ST8SIA4: variants seen among roughly 807,000 people sequenced by gnomAD.
The protein encoded by ST8SIA4 is ST8 alpha-N-acetyl-neuraminide alpha-2,8-sialyltransferase 4.
Under a neutral mutation model 33.9 loss-of-function variants are expected in ST8SIA4, and 15 were observed. The observed-to-expected ratio is 0.44, with a 90% CI of 0.30 to 0.68. The LOEUF (loss-of-function observed/expected upper bound fraction) is 0.68. Ranked by LOEUF, ST8SIA4 falls within the 30% of genes least tolerant of loss-of-function variation. The pLI is 0.10. For missense variants in ST8SIA4, 321 were observed against 428.0 expected, an observed-to-expected ratio of 0.75 and a Z score of 2.21; for synonymous variants, 171 against 151.2, an observed-to-expected ratio of 1.13 and a Z score of -0.96.
intron 3 of ST8SIA4, among the ~76,000 whole-genome samples, chr5:100,878,036 T>C (rs536834134): frequency 6.6e-6 from 1 of 152,186 alleles, no homozygotes; most frequent in Non-Finnish European, 1.5e-5. Context: ...GTTTGGTTCA[T>C]CATTAATATT....
chr5:100,814,981 T>A (rs556199726), intron 4 of ST8SIA4, among the ~76,000 whole-genome samples: 1 of 152,052 alleles, frequency 6.6e-6, no homozygotes, highest in South Asian at 2.1e-4. Context: ...TTGTGTTTCA[T>A]CCTCATTAGG....
chr5:100,872,450 G>T (rs949539762), intron 3 of ST8SIA4, among the ~76,000 whole-genome samples: 4 of 151,938 alleles, frequency 2.6e-5, no homozygotes, highest in Non-Finnish European at 5.9e-5. Context: ...TTGTCTGATA[G>T]GATTTAGCTG....
intron 4 of ST8SIA4, among the ~76,000 whole-genome samples, chr5:100,831,126 T>C (rs1455058435): frequency 1.3e-5 from 2 of 152,240 alleles, no homozygotes; most frequent in African/African-American, 2.4e-5. Context: ...TATATAATTA[T>C]ATTTGTCTAC....
rs189111273 is a variant in ST8SIA4, at chr5:100,864,242, G to A, written c.504-7846C>T. ...TGTAATAAGTAATACGGAGGGTAAA[G>A]CGTTAACTGCTGTTCTTTATCTGGG... On this transcript the variant is annotated intron_variant, in intron 3 of 4. Coordinates refer to ENST00000231461, the MANE Select transcript of ST8SIA4 (RefSeq NM_005668.6). Among the ~76,000 whole-genome samples, 15 of 152,238 alleles carry A rather than the reference G, an allele frequency of 9.9e-5. No homozygotes were observed. In the East Asian group the frequency reaches 2.5e-3, roughly 25 times the overall value.
chr5:100,895,691 C>T lies in ST8SIA4; in HGVS notation c.208G>A (p.Gly70Ser). The change falls in exon 2 of 5, where the codon GGT becomes AGT. Residue 70 changes from glycine to serine, a missense_variant. Coordinates refer to ENST00000231461, the MANE Select transcript of ST8SIA4 (RefSeq NM_005668.6). ...ACCAAAGAGGAATTGATTTTCCAAC[C>T]TTCTACATTGTGCTGGAAGATTGAA... ...GSSIFQHNVE[G>S]WKINSSLVLE... is the part of the protein sequence containing the mutation. 1 of 1,612,070 alleles carries T rather than the reference C, an allele frequency of 6.2e-7. No homozygotes were observed. The highest frequency in any genetic ancestry group is 1.1e-5 in the South Asian group (1 of 90,810).
chr5:100,855,181 T>C (rs530347138), intron 4 of ST8SIA4, among the ~76,000 whole-genome samples: 104 of 152,314 alleles, frequency 6.8e-4, no homozygotes, highest in Admixed American at 1.3e-3. Flanking sequence ...TCCTTCTGTT[T>C]GGTTTTCTTA....
intron 3 of ST8SIA4, chr5:100,885,870 C>A (rs1752525322): frequency 3.4e-6 from 3 of 872,496 alleles, no homozygotes; most frequent in Non-Finnish European, 4.1e-6. Context: ...AAATATGGCT[C>A]AGGATATCAA....
At chr5:100,833,931 T>C (rs1342471583) in intron 4 of ST8SIA4, among the ~76,000 whole-genome samples, 1 of 152,186 alleles carries the variant, frequency 6.6e-6, no homozygotes, top group East Asian at 1.9e-4. Context: ...GTAAGAACTG[T>C]ATCTAATTCA....
At chr5:100,817,994 A>G (rs1043926379) in intron 4 of ST8SIA4, among the ~76,000 whole-genome samples, 7 of 152,206 alleles carry the variant, frequency 4.6e-5, no homozygotes, top group African/African-American at 1.7e-4. Flanking sequence ...AAAGAGCTCT[A>G]TATGTGGTGC....
intron 4 of ST8SIA4, chr5:100,816,401 A>G: frequency 4.2e-6 from 2 of 475,196 alleles, no homozygotes; most frequent in South Asian, 3.2e-5. Context: ...GATACTAAGG[A>G]GAGCTCACAT....
At chr5:100,869,884 C>T (rs1418841015) in intron 3 of ST8SIA4, among the ~76,000 whole-genome samples, 1 of 152,148 alleles carries the variant, frequency 6.6e-6, no homozygotes, top group Non-Finnish European at 1.5e-5. Context: ...TTCTAGGGTA[C>T]ATGTGCACAA....
At chr5:100,812,837 A>T (rs1381199004) in intron 4 of ST8SIA4, among the ~76,000 whole-genome samples, 1 of 152,140 alleles carries the variant, frequency 6.6e-6, no homozygotes, top group African/African-American at 2.4e-5. Context: ...CACTGCTGTC[A>T]AACATTGGTG....
intron 4 of ST8SIA4, chr5:100,816,475 T>C (rs1186481537): frequency 1.9e-6 from 1 of 518,160 alleles, no homozygotes; most frequent in Non-Finnish European, 3.9e-6. Context: ...AGTCTAAAAG[T>C]TTAGAAGTAT....
At position 100,812,223 on chromosome 5, in the gene ST8SIA4, G is replaced by A. The variant is rs750481367; in HGVS notation, c.798-94C>T. The A allele has an allele frequency of 7.4e-6, 7 of 951,506 alleles. No homozygotes were observed. The East Asian group carries it at 1.4e-4, about 19-fold the overall frequency. The allele number at this position is 951,506 out of a possible 1,614,324, so 58.9% of individuals were successfully genotyped here. ...GTATATAATGCAGAAAACTTAAAAG[G>A]TATCTTTATGAATAATATTTTAAAG... is the stretch of plus-strand genomic sequence containing the variant. On this transcript the variant is annotated intron_variant, in intron 4 of 4. Transcript: ENST00000231461.
At chr5:100,829,705 C>T (rs1218078755) in intron 4 of ST8SIA4, among the ~76,000 whole-genome samples, 6 of 152,022 alleles carry the variant, frequency 3.9e-5, no homozygotes, top group Non-Finnish European at 8.8e-5. Context: ...GTCAGGAGAT[C>T]GAGACCATCC....
At chr5:100,838,697 T>C (rs1479853213) in intron 4 of ST8SIA4, among the ~76,000 whole-genome samples, 1 of 151,994 alleles carries the variant, frequency 6.6e-6, no homozygotes, top group African/African-American at 2.4e-5. Context: ...ATTAATTTAA[T>C]CTGAATTTAT....
chr5:100,817,109 ATTTTTTTTTTTTT>A (rs57222657), intron 4 of ST8SIA4, among the ~76,000 whole-genome samples: 29 of 74,364 alleles, frequency 3.9e-4, no homozygotes, highest in African/African-American at 1.2e-3. Flanking sequence ...CACCCAGCTA[ATTTTTTTTTTTTT>A]TTTTTTTTTT....
In ST8SIA4 at chr5:100,871,583, A is replaced by C. The variant is rs73162251; in HGVS notation, c.503+14760T>G. Among the ~76,000 whole-genome samples, 607 of 152,106 alleles carry C rather than the reference A, an allele frequency of 4.0e-3. 5 individuals are homozygous for C. Among genetic ancestry groups the C allele is most frequent in the African/African-American group, 0.014 (584 of 41,520 alleles). On this transcript the variant is annotated intron_variant, in intron 3 of 4. Coordinates refer to ENST00000231461, the MANE Select transcript of ST8SIA4 (RefSeq NM_005668.6). ...GTGTCAACTTTACATATGTTTGATA[A>C]ATTTGGGGAAAGTTCATCTTCTTAT...
intron 1 of ST8SIA4, chr5:100,900,397 C>T: frequency 2.2e-6 from 1 of 456,118 alleles, no homozygotes; most frequent in Admixed American, 2.3e-5. Flanking sequence ...CTCCACGTGG[C>T]TTGGGTAGAA....
Sources: gnomAD v4.1 joint callset for allele counts (sites outside exome capture counted in the v4.1 genomes callset) on GRCh38, gnomAD v4.1.1 for gene constraint, MANE v1.5 for transcripts, NCBI Gene and HGNC (gene_info 2026-07-23, HGNC 2026-07-21) for gene names.